KCNU1: variants seen among roughly 807,000 people sequenced by gnomAD.
The protein encoded by KCNU1 is potassium channel subfamily U member 1.
KCNU1 carries 93 observed loss-of-function variants against 126.8 expected under a neutral mutation model. The ratio of observed to expected loss-of-function variants is 0.73; its 90% CI spans 0.62 to 0.87. The LOEUF (loss-of-function observed/expected upper bound fraction) is 0.87, where lower values mean the gene tolerates loss of function less well. Ranked by LOEUF, KCNU1 falls within the 40% of genes least tolerant of loss-of-function variation. KCNU1 has a pLI of 0.00. For missense variants in KCNU1, 1,330 were observed against 1,367.1 expected (o/e 0.97, Z 0.43); for synonymous variants, 523 against 494.2 (o/e 1.06, Z -0.77).
intron 10 of KCNU1, among the ~76,000 whole-genome samples, chr8:36,832,122 C>G (rs897141525): frequency 1.3e-5 from 2 of 152,084 alleles, no homozygotes; most frequent in Non-Finnish European, 2.9e-5. Context: ...TGATCTATAT[C>G]TCTGTTTTGG....
intron 10 of KCNU1, among the ~76,000 whole-genome samples, chr8:36,832,081 C>T (rs187456966): frequency 4.6e-5 from 7 of 152,232 alleles, no homozygotes; most frequent in Admixed American, 6.5e-5. Flanking sequence ...AGATATGCAG[C>T]GTTATTTCTG....
intron 2 of KCNU1, among the ~76,000 whole-genome samples, chr8:36,800,378 T>TATCTCATATCTCATATCTC (rs1563262162): frequency 6.6e-6 from 1 of 152,188 alleles, no homozygotes; most frequent in African/African-American, 2.4e-5. Flanking sequence ...TGTTTTCTCA[T>TATCTCATATCTCATATCTC]AAAGATAAGC....
chr8:36,875,650 A>C (rs1352062130), intron 19 of KCNU1, among the ~76,000 whole-genome samples: 2 of 152,108 alleles, frequency 1.3e-5, no homozygotes, highest in Non-Finnish European at 2.9e-5. Flanking sequence ...GCATGTAATA[A>C]TTATGATTAA....
chr8:36,825,091 A>T (rs922269867), intron 10 of KCNU1, among the ~76,000 whole-genome samples: 1 of 152,214 alleles, frequency 6.6e-6, no homozygotes, highest in Non-Finnish European at 1.5e-5. Flanking sequence ...CTGGTGCCCT[A>T]CATCCTACTA....
intron 22 of KCNU1, among the ~76,000 whole-genome samples, chr8:36,917,980 G>T (rs1808183512): frequency 6.6e-6 from 1 of 152,172 alleles, no homozygotes; most frequent in Non-Finnish European, 1.5e-5. Flanking sequence ...CCTCAGCCCA[G>T]TGAGGAGCTC....
chr8:36,842,442 T>G (rs1804991957), intron 16 of KCNU1, among the ~76,000 whole-genome samples: 1 of 152,194 alleles, frequency 6.6e-6, no homozygotes, highest in African/African-American at 2.4e-5. Context: ...GCCTAAGTTC[T>G]GTTTAAAAAT....
At chr8:36,854,008 A>T (rs1292361439) in intron 18 of KCNU1, among the ~76,000 whole-genome samples, 2 of 152,154 alleles carry the variant, frequency 1.3e-5, no homozygotes, top group Admixed American at 1.3e-4. Context: ...CTTTGTTGGC[A>T]GTTGTTTCTC....
At chr8:36,893,996 A>G (rs1279555570) in intron 19 of KCNU1, among the ~76,000 whole-genome samples, 2 of 152,140 alleles carry the variant, frequency 1.3e-5, no homozygotes, top group Admixed American at 6.6e-5. Flanking sequence ...TTTAATCTGC[A>G]AGCCAAAAAT....
chr8:36,786,603 T>C (rs1333504125), intron 1 of KCNU1, among the ~76,000 whole-genome samples: 1 of 152,186 alleles, frequency 6.6e-6, no homozygotes, highest in Admixed American at 6.5e-5. Flanking sequence ...GTGGTGGTTC[T>C]AGACTATTAT....
chr8:36,793,682 T>G (rs1802985104), intron 2 of KCNU1, among the ~76,000 whole-genome samples: 1 of 152,212 alleles, frequency 6.6e-6, no homozygotes. Context: ...ACATTTTATG[T>G]TGTAACTAGG....
rs1585431566 is a variant in KCNU1, at chr8:36,833,549, T to C, written c.1107-5T>C. On this transcript the variant is annotated splice_region_variant and splice_polypyrimidine_tract_variant and intron_variant, in intron 10 of 26. Coordinates refer to ENST00000399881, the MANE Select transcript of KCNU1 (RefSeq NM_001031836.3). Reference sequence around the variant, plus strand: ...CTCATTGCTGCCACGTTCTTTTTTGTCCAGAACCCCTCCTTCTTTGGAACT... The same window carrying C: ...CTCATTGCTGCCACGTTCTTTTTTGCCCAGAACCCCTCCTTCTTTGGAACT... The C allele has an allele frequency of 6.3e-7, 1 of 1,585,052 alleles. No individual in the cohort carries two copies. The highest frequency in any genetic ancestry group is 8.7e-7 in the Non-Finnish European group (1 of 1,154,182).
In KCNU1 at chr8:36,834,838, C is replaced by A. The variant is rs775402173; in HGVS notation, c.1265C>A (p.Ser422Tyr). The A allele has an allele frequency of 6.2e-7, 1 of 1,611,312 alleles. No individual in the cohort carries two copies. The highest frequency in any genetic ancestry group is 1.1e-5 in the South Asian group (1 of 90,646). Residue 422 changes from serine to tyrosine, a missense_variant, in exon 12 of 27, where the codon TCC becomes TAC. By Grantham distance (144) the Ser-to-Tyr change is moderately radical. Coordinates refer to ENST00000399881, the MANE Select transcript of KCNU1 (RefSeq NM_001031836.3). ...LIIANPLCSD[S>Y]HAEDISNIMR... ...ATAGCCAATCCTTTGTGCAGTGATT[C>A]CCATGCTGAAGATATTTCCAACATT...
At chr8:36,849,466 G>T (rs993333311) in intron 18 of KCNU1, among the ~76,000 whole-genome samples, 2 of 152,134 alleles carry the variant, frequency 1.3e-5, no homozygotes, top group Non-Finnish European at 2.9e-5. Flanking sequence ...GTGTGTGCCT[G>T]TAATCCCAGC....
chr8:36,873,749 G>A (rs976677371), intron 19 of KCNU1, among the ~76,000 whole-genome samples: 3 of 152,116 alleles, frequency 2.0e-5, no homozygotes, highest in Non-Finnish European at 4.4e-5. Context: ...GCAACGATCA[G>A]GACAATAAAA....
At chr8:36,852,308 T>C (rs1302235123) in intron 18 of KCNU1, among the ~76,000 whole-genome samples, 1 of 152,152 alleles carries the variant, frequency 6.6e-6, no homozygotes, top group Non-Finnish European at 1.5e-5. Context: ...CTATATTCAA[T>C]ACAAATTTTG....
At chr8:36,858,030 C>T (rs1339618336) in intron 18 of KCNU1, among the ~76,000 whole-genome samples, 1 of 152,092 alleles carries the variant, frequency 6.6e-6, no homozygotes, top group African/African-American at 2.4e-5. Context: ...GATAATTTCA[C>T]TAGTTAGGGC....
At chr8:36,802,850 G>A (rs1235585826) in intron 2 of KCNU1, among the ~76,000 whole-genome samples, 1 of 152,118 alleles carries the variant, frequency 6.6e-6, no homozygotes, top group Non-Finnish European at 1.5e-5. Flanking sequence ...CAATGTGGGG[G>A]CAGGGATCTT....
chr8:36,922,757 T>C, intron 24 of KCNU1, 128 bp downstream of exon 24: 1 of 954,600 alleles, frequency 1.0e-6, no homozygotes, highest in Non-Finnish European at 1.5e-6. Context: ...AAAAACAAGC[T>C]TGTTCCCATA....
intron 10 of KCNU1, among the ~76,000 whole-genome samples, chr8:36,822,838 G>A (rs1804178611): frequency 6.6e-6 from 1 of 152,030 alleles, no homozygotes; most frequent in South Asian, 2.1e-4. Flanking sequence ...TTTATGAGTG[G>A]GCGCATAAAG....
Sources: allele counts gnomAD v4.1 joint callset (sites outside exome capture counted in the v4.1 genomes callset), GRCh38; gene constraint gnomAD v4.1.1; transcripts MANE v1.5; gene names NCBI Gene and HGNC (gene_info 2026-07-23, HGNC 2026-07-21).